Variants in GRHL3 observed in about 807,000 individuals in gnomAD.
GRHL3 encodes the protein grainyhead like transcription factor 3.
Under a neutral mutation model 70.3 loss-of-function variants are expected in GRHL3, and 20 were observed. The ratio of observed to expected loss-of-function variants is 0.28; its 90% confidence interval spans 0.20 to 0.41. The LOEUF (loss-of-function observed/expected upper bound fraction) is 0.41. GRHL3 is among the 10% of genes least tolerant of loss of function. The pLI is 1.00. For missense variants in GRHL3, 637 were observed against 762.3 expected (o/e 0.84, Z 1.94); for synonymous variants, 299 against 299.9 (o/e 1.00, Z 0.03).
chr1:24,361,288 T>C (rs533808), intron 15 of GRHL3, among the ~76,000 whole-genome samples: 143,894 of 152,256 alleles, frequency 0.95, 68,081 homozygotes, highest in East Asian at 1. Context: ...TGAGATGACG[T>C]ACCTAAAACA....
intron 8 of GRHL3, among the ~76,000 whole-genome samples, chr1:24,340,430 C>G (rs948209232): frequency 6.6e-5 from 10 of 152,176 alleles, no homozygotes; most frequent in African/African-American, 2.4e-4. Flanking sequence ...TGTTTTCATG[C>G]CAGTAGTTAA....
intron 1 of GRHL3, 24 bp downstream of exon 1, chr1:24,319,592 T>A: frequency 6.2e-7 from 1 of 1,613,732 alleles, no homozygotes; most frequent in Non-Finnish European, 8.5e-7. Context: ...GGTGGATACC[T>A]GCCGCTCTCA....
At chr1:24,335,056 C>G (rs1019510235) in intron 3 of GRHL3, among the ~76,000 whole-genome samples, 3 of 140,650 alleles carry the variant, frequency 2.1e-5, no homozygotes, top group African/African-American at 6.0e-5. Context: ...CACACACACA[C>G]ACACACAGAC....
Position 24,337,743 on chromosome 1 carries a change from C to A in GRHL3, c.794C>A (p.Thr265Asn). 1 of 1,614,246 alleles carries A rather than the reference C, an allele frequency of 6.2e-7. No homozygotes were observed. The highest frequency in any genetic ancestry group is 1.1e-5 in the South Asian group (1 of 91,080). The change falls in exon 6 of 16, where the codon ACC becomes AAC. Residue 265 changes from threonine to asparagine, a missense_variant. Physicochemically the swap from Thr to Asn is moderately conservative, Grantham distance 65. Around this residue, in one of 2 missense-constraint regions of GRHL3, gnomAD observed 387 missense variants for 513.8 expected, o/e 0.75. Coordinates refer to ENST00000361548, the MANE Select transcript of GRHL3 (RefSeq NM_198173.3). ...CAGTTCTACCCCGTCACCCTGCGGACCCCAGCAGGTGGCAAAGGCCTTGCC... is the reference window on the plus strand; with the variant it reads ...CAGTTCTACCCCGTCACCCTGCGGAACCCAGCAGGTGGCAAAGGCCTTGCC... Reference protein sequence around the residue: ...KGQFYPVTLRTPAGGKGLALS... With the variant: ...KGQFYPVTLRNPAGGKGLALS...
At chr1:24,339,292 T>C (rs1487668428) in intron 7 of GRHL3, among the ~76,000 whole-genome samples, 2 of 151,044 alleles carry the variant, frequency 1.3e-5, no homozygotes, top group African/African-American at 4.9e-5. Context: ...TTTTTTTTTT[T>C]TGAGACAGAG....
At chr1:24,327,349 G>A (rs1308383929) in intron 1 of GRHL3, among the ~76,000 whole-genome samples, 2 of 152,148 alleles carry the variant, frequency 1.3e-5, no homozygotes, top group Non-Finnish European at 2.9e-5. Context: ...AGTCTTATCT[G>A]TCTCATTTTA....
chr1:24,345,969 A>G (rs1640264007), intron 12 of GRHL3, among the ~76,000 whole-genome samples: 2 of 152,144 alleles, frequency 1.3e-5, no homozygotes, highest in South Asian at 4.1e-4. Context: ...TCACCTCACA[A>G]CAGCCTCAGA....
downstream of GRHL3, chr1:24,358,426 C>A (rs757652941): frequency 5.6e-5 from 49 of 875,410 alleles, no homozygotes; most frequent in Middle Eastern, 1.1e-3. Context: ...GTGGTAGAGC[C>A]ACCCCCCAAG....
intron 15 of GRHL3, among the ~76,000 whole-genome samples, chr1:24,353,950 C>T (rs1196461887): frequency 1.3e-5 from 2 of 152,138 alleles, no homozygotes; most frequent in African/African-American, 4.8e-5. Context: ...GCCTGAGGGA[C>T]ACATCCTAGC....
intron 1 of GRHL3, among the ~76,000 whole-genome samples, chr1:24,328,572 T>G (rs1325289884): frequency 6.6e-6 from 1 of 152,240 alleles, no homozygotes; most frequent in Non-Finnish European, 1.5e-5. Context: ...TTATCTTTTT[T>G]AAAGGGTAAG....
chr1:24,358,154 T>C (rs1236458985), downstream of GRHL3: 2 of 479,244 alleles, frequency 4.2e-6, no homozygotes, highest in African/African-American at 3.9e-5. Context: ...AGGGTGGGGC[T>C]TCCAGGCTTG....
At chr1:24,323,410 T>C (rs970331829) in intron 1 of GRHL3, among the ~76,000 whole-genome samples, 1 of 152,158 alleles carries the variant, frequency 6.6e-6, no homozygotes, top group Non-Finnish European at 1.5e-5. Flanking sequence ...TGTAAAACTG[T>C]TGGCCTAGAA....
intron 8 of GRHL3, among the ~76,000 whole-genome samples, chr1:24,341,050 A>C (rs1196588222): frequency 3.3e-5 from 5 of 151,252 alleles, no homozygotes; most frequent in East Asian, 1.9e-4. Context: ...GCTCAGACAC[A>C]CCCCCCCACA....
intron 12 of GRHL3, among the ~76,000 whole-genome samples, chr1:24,345,387 T>C (rs962800597): frequency 6.7e-6 from 1 of 150,134 alleles, no homozygotes; most frequent in Non-Finnish European, 1.5e-5. Flanking sequence ...TCCCTGTTCC[T>C]TGCAAGCTAG....
At chr1:24,350,349 G>T (rs1200488775) in intron 15 of GRHL3, among the ~76,000 whole-genome samples, 1 of 152,156 alleles carries the variant, frequency 6.6e-6, no homozygotes, top group East Asian at 1.9e-4. Flanking sequence ...TGACCTCCTG[G>T]GTGGGGTGGA....
At position 24,347,491 on chromosome 1, in the gene GRHL3, A is replaced by G. The variant is rs1045288607; in HGVS notation, c.1567A>G (p.Thr523Ala). 2 of 1,613,934 alleles carry G rather than the reference A, an allele frequency of 1.2e-6. No individual in the cohort carries two copies. Among genetic ancestry groups the G allele is most frequent in the Non-Finnish European group, 1.7e-6 (2 of 1,179,984 alleles). ...AGTTCTGCTGTATGTGCGGAGGGAG[A>G]CTGAGGAGGTGTTTGACGCGCTCAT... ...QRVLLYVRRE[T>A]EEVFDALMLK... Residue 523 changes from threonine to alanine, a missense_variant, in exon 14 of 16, where the codon ACT becomes GCT. Around this residue, in one of 2 missense-constraint regions of GRHL3, gnomAD observed 387 missense variants for 513.8 expected, o/e 0.75. Transcript: ENST00000361548.
At chr1:24,333,181 A>T (rs116579489) in intron 2 of GRHL3, among the ~76,000 whole-genome samples, 1,815 of 152,294 alleles carry the variant, frequency 0.012, 30 homozygotes, top group African/African-American at 0.041. Flanking sequence ...AGTGAGATAC[A>T]CCTGCCCTGG....
intron 1 of GRHL3, among the ~76,000 whole-genome samples, chr1:24,324,302 C>T (rs1639310823): frequency 6.6e-6 from 1 of 151,974 alleles, no homozygotes; most frequent in African/African-American, 2.4e-5. Context: ...GCAGCCTGAC[C>T]ACCGTCAACT....
intron 15 of GRHL3, among the ~76,000 whole-genome samples, chr1:24,351,408 G>T (rs940080838): frequency 1.9e-4 from 29 of 151,450 alleles, no homozygotes; most frequent in Middle Eastern, 3.4e-3. Context: ...TGGGAAGGGG[G>T]TTTTTTTTGG....
Sources: gnomAD v4.1 joint callset for allele counts (sites outside exome capture counted in the v4.1 genomes callset) on GRCh38, gnomAD v4.1.1 for gene constraint, gnomAD v4.1.1 regional missense constraint, MANE v1.5 for transcripts, NCBI Gene and HGNC (gene_info 2026-07-23, HGNC 2026-07-21) for gene names.